PPP1R21: variants seen among roughly 807,000 people sequenced by gnomAD.
PPP1R21 encodes KLRAQ motif containing 1.
Under a neutral mutation model 112.8 loss-of-function variants are expected in PPP1R21, and 85 were observed. The observed-to-expected ratio is 0.75, with a 90% CI of 0.63 to 0.90. The LOEUF (loss-of-function observed/expected upper bound fraction) is 0.90, where lower values mean the gene tolerates loss of function less well. Ranked by LOEUF, PPP1R21 falls within the 40% of genes least tolerant of loss-of-function variation. The probability of loss-of-function intolerance (pLI) is 0.00; values close to 1 mark genes in which losing one functional copy is unlikely to be tolerated. For synonymous variants in PPP1R21, 381 were observed against 322.3 expected (o/e 1.18, Z -1.95); for missense variants, 1,199 against 901.5 (o/e 1.33, Z -4.23).
intron 13 of PPP1R21, among the ~76,000 whole-genome samples, chr2:48,484,634 T>A (rs1669192911): frequency 6.6e-6 from 1 of 151,950 alleles, no homozygotes; most frequent in South Asian, 2.1e-4. Flanking sequence ...CTTATGCCTC[T>A]AGCACCTGAG....
intron 18 of PPP1R21, 49 bp downstream of exon 18, chr2:48,505,645 ATGTT>A (rs1670341175): frequency 1.1e-5 from 16 of 1,448,254 alleles, no homozygotes; most frequent in Non-Finnish European, 1.5e-5. Context: ...ATCTGGCAGC[ATGTT>A]TGTTGACAAA....
Position 48,462,132 on chromosome 2 carries a change from TA to T in PPP1R21, c.694+902del, listed in dbSNP as rs530911924. 1.4e-3 allele frequency among the ~76,000 whole-genome samples: 219 copies of T among 152,368 alleles called. 1 individual carries two copies. The highest frequency in any genetic ancestry group is 5.1e-3 in the African/African-American group (212 of 41,582). On this transcript the variant is annotated intron_variant, in intron 7 of 21. Coordinates refer to ENST00000294952, the MANE Select transcript of PPP1R21 (RefSeq NM_001135629.3). Reference sequence around the variant, plus strand: ...CCTTGTCTCAATCATTAGGTTTTAATAATTTCCTTCTGAATCATGGATTTAT... The same window carrying T: ...CCTTGTCTCAATCATTAGGTTTTAATATTTCCTTCTGAATCATGGATTTAT...
At chr2:48,443,035 A>T (rs569393075) in intron 1 of PPP1R21, among the ~76,000 whole-genome samples, 1 of 152,308 alleles carries the variant, frequency 6.6e-6, no homozygotes, top group Admixed American at 6.5e-5. Flanking sequence ...ATGTAGGGTT[A>T]TATAAAGTTA....
At position 48,511,361 on chromosome 2, in the gene PPP1R21, A is replaced by G; in HGVS notation, c.2206A>G (p.Arg736Gly). 1 of 1,613,722 alleles carries G rather than the reference A, an allele frequency of 6.2e-7. No homozygotes were observed. The highest frequency in any genetic ancestry group is 8.5e-7 in the Non-Finnish European group (1 of 1,179,940). ...RLQDELTTTK[R>G]SYEDQLSMMS... ...TTAGGATGAGCTGACAACTACCAAG[A>G]GGAGTTACGAGGATCAGTTAAGTAT... Residue 736 changes from arginine (R) to glycine (G), a missense_variant, in exon 21 of 22, where the codon AGG (arginine) becomes GGG (glycine). Coordinates refer to ENST00000294952, the MANE Select transcript of PPP1R21 (RefSeq NM_001135629.3).
In PPP1R21 at chr2:48,440,843, G is replaced by C; in HGVS notation, c.-111G>C. 1.3e-6 allele frequency: 1 copy of C among 740,962 alleles called. No individual in the cohort carries two copies. The highest frequency in any genetic ancestry group is 2.8e-5 in the Admixed American group (1 of 35,556). 45.9% of individuals were successfully genotyped at this position (740,962 alleles called of 1,614,324 possible). On this transcript the variant is annotated 5_prime_UTR_variant, in exon 1 of 22. Coordinates refer to ENST00000294952, the MANE Select transcript of PPP1R21 (RefSeq NM_001135629.3). ...GGCGGCGGCGGCGGCGGCTGCGGTG[G>C]CCAAGCAGGCAGATACTGCCTGACC...
chr2:48,450,077 T>G (rs950423555), intron 1 of PPP1R21, among the ~76,000 whole-genome samples: 1 of 152,198 alleles, frequency 6.6e-6, no homozygotes, highest in African/African-American at 2.4e-5. Context: ...TAAAATAGCG[T>G]TATTTCTCAG....
At chr2:48,489,385 C>T (rs1476560611) in intron 14 of PPP1R21, among the ~76,000 whole-genome samples, 1 of 150,648 alleles carries the variant, frequency 6.6e-6, no homozygotes, top group East Asian at 2.1e-4. Context: ...TCTGTGGTCT[C>T]AACTACTTGG....
intron 17 of PPP1R21, among the ~76,000 whole-genome samples, chr2:48,501,246 C>T (rs902589974): frequency 6.6e-6 from 1 of 152,166 alleles, no homozygotes; most frequent in Non-Finnish European, 1.5e-5. Flanking sequence ...TAGATTTTTC[C>T]TTCAGTGTCT....
At chr2:48,478,979 C>G (rs538162155) in intron 12 of PPP1R21, among the ~76,000 whole-genome samples, 2 of 152,304 alleles carry the variant, frequency 1.3e-5, no homozygotes, top group South Asian at 4.1e-4. Context: ...GTGACACCCC[C>G]TTGTTAGAAA....
At chr2:48,473,726 C>A (rs1024926653) in intron 11 of PPP1R21, among the ~76,000 whole-genome samples, 1 of 152,192 alleles carries the variant, frequency 6.6e-6, no homozygotes, top group East Asian at 1.9e-4. Context: ...TCCTATGCTA[C>A]CTTTTCTGGC....
chr2:48,451,782 C>T (rs1667486586), intron 2 of PPP1R21, among the ~76,000 whole-genome samples: 1 of 151,994 alleles, frequency 6.6e-6, no homozygotes, highest in South Asian at 2.1e-4. Context: ...TTCTTGCTCC[C>T]TCTGCTCTCT....
intron 12 of PPP1R21, among the ~76,000 whole-genome samples, chr2:48,477,654 G>A (rs72822215): frequency 1.9e-3 from 279 of 149,092 alleles, no homozygotes; most frequent in Non-Finnish European, 3.0e-3. Context: ...ATTAGGAAGC[G>A]TGAGCCCTCC....
rs532862806 is a variant in PPP1R21 at position 48,448,651 on chromosome 2, T to G, written c.58-2357T>G. Among the ~76,000 whole-genome samples, 29 of 149,748 alleles carry G rather than the reference T, an allele frequency of 1.9e-4. No homozygotes were observed. In the South Asian group the frequency reaches 3.0e-3, roughly 16 times the overall value. ...GACTGAAGCAGTATTGCTATTTTTTTGGCTATATGGATTTGAAAGTATTTA... is the reference window on the plus strand; with the variant it reads ...GACTGAAGCAGTATTGCTATTTTTTGGGCTATATGGATTTGAAAGTATTTA... On this transcript the variant is annotated intron_variant, in intron 1 of 21. Transcript: ENST00000294952.
intron 7 of PPP1R21, among the ~76,000 whole-genome samples, chr2:48,463,073 A>G (rs372522101): frequency 5.9e-5 from 9 of 152,316 alleles, no homozygotes; most frequent in African/African-American, 2.2e-4. Flanking sequence ...CTTCTGACAG[A>G]TGGGTTCATA....
chr2:48,455,983 C>G (rs374798924), intron 3 of PPP1R21, among the ~76,000 whole-genome samples: 2 of 147,028 alleles, frequency 1.4e-5, no homozygotes, highest in East Asian at 2.0e-4. Flanking sequence ...CCACTGCGCT[C>G]CGACCTGGGT....
chr2:48,514,917 C>A lies in PPP1R21; in HGVS notation c.*173C>A. ...TGAAATATTTAAAACATATTTGTAA[C>A]CAGTGAGGCAAATACAGAAGTTGAT... On this transcript the variant is annotated 3_prime_UTR_variant, in exon 22 of 22. Transcript: ENST00000294952. 2 of 591,818 alleles carry A rather than the reference C, an allele frequency of 3.4e-6. No individual in the cohort carries two copies. Among genetic ancestry groups the A allele is most frequent in the Non-Finnish European group, 5.9e-6 (2 of 338,482 alleles). The allele number at this position is 591,818 out of a possible 1,614,324, so 36.7% of individuals were successfully genotyped here.
chr2:48,493,951 G>GTGGCTCA (rs1669686495), intron 15 of PPP1R21, among the ~76,000 whole-genome samples: 1 of 151,300 alleles, frequency 6.6e-6, no homozygotes, highest in Non-Finnish European at 1.5e-5. Flanking sequence ...GCCGGGTGCA[G>GTGGCTCA]TGGCTCATGC....
intron 17 of PPP1R21, among the ~76,000 whole-genome samples, chr2:48,502,715 C>G (rs753773048): frequency 9.0e-5 from 12 of 132,652 alleles, no homozygotes; most frequent in Admixed American, 1.6e-4. Flanking sequence ...GAGTCTCGCT[C>G]TGTGGCCCAG....
At position 48,485,907 on chromosome 2, in the gene PPP1R21, GTATA is replaced by G. The variant is rs1558487874; in HGVS notation, c.1319-721_1319-718del. Among the ~76,000 whole-genome samples the G allele has an allele frequency of 2.8e-5, 4 of 142,926 alleles. No individual in the cohort carries two copies. The East Asian group carries it at 8.0e-4, about 29-fold the overall frequency. The allele number at this position is 142,926 out of a possible 152,430, so 93.8% of individuals were successfully genotyped here. ...TATATACTAACTAATATATACAATT[GTATA>G]TACTAACTAATATATACAATTGTAT... On this transcript the variant is annotated intron_variant, in intron 13 of 21. Coordinates refer to ENST00000294952, the MANE Select transcript of PPP1R21 (RefSeq NM_001135629.3).
Sources: allele counts gnomAD v4.1 joint callset (sites outside exome capture counted in the v4.1 genomes callset), GRCh38; gene constraint gnomAD v4.1.1; transcripts MANE v1.5; gene names NCBI Gene and HGNC (gene_info 2026-07-23, HGNC 2026-07-21).